ADAMTS2: variants seen among roughly 807,000 people sequenced by gnomAD.
ADAMTS2 encodes A disintegrin and metalloproteinase with thrombospondin motifs 2.
In ADAMTS2, 50 loss-of-function variants were observed where a neutral mutation model predicts 123.0. The ratio of observed to expected loss-of-function variants is 0.41; its 90% CI spans 0.32 to 0.51. The LOEUF (loss-of-function observed/expected upper bound fraction) is 0.51, where lower values mean the gene tolerates loss of function less well. ADAMTS2 is among the 20% of genes least tolerant of loss of function. ADAMTS2 has a pLI of 0.35. For synonymous variants in ADAMTS2, 678 were observed against 695.4 expected (o/e 0.98, Z 0.39); for missense variants, 1,494 against 1,705.2 (o/e 0.88, Z 2.18).
Position 179,132,748 on chromosome 5 carries a change from T to C in ADAMTS2, c.2209+29A>G, listed in dbSNP as rs1347929015. 4 of 1,613,744 alleles carry C rather than the reference T, an allele frequency of 2.5e-6. No homozygotes were observed. Among genetic ancestry groups the C allele is most frequent in the Non-Finnish European group, 3.4e-6 (4 of 1,179,934 alleles). On this transcript the variant is annotated intron_variant, in intron 14 of 21. Transcript: ENST00000251582. This position sits in a 1 kb window ranked among gnomAD's most constrained non-coding sequence, Gnocchi z 6.1. ...ATGAGCCTGCTGCAGGCATCCAGGC[T>C]CCAGGGTGGAGAGCAGGGACCCACT...
In ADAMTS2 at chr5:179,114,269, G is replaced by C. The variant is rs1581132640; in HGVS notation, c.3234C>G (p.Arg1078=). The C allele has an allele frequency of 6.2e-7, 1 of 1,614,198 alleles. No homozygotes were observed. The highest frequency in any genetic ancestry group is 8.5e-7 in the Non-Finnish European group (1 of 1,180,038). Residue 1078 remains arginine (R), a synonymous_variant, in exon 22 of 22, where the codon CGC becomes CGG. Coordinates refer to ENST00000251582, the MANE Select transcript of ADAMTS2 (RefSeq NM_014244.5). Reference sequence around the variant, plus strand: ...TGTTGTAGCCTGGGATGGAGCAATAGCGGGACAAGACTTCCATCCTACAGA... The same window carrying C: ...TGTTGTAGCCTGGGATGGAGCAATACCGGGACAAGACTTCCATCCTACAGA... ...SIFCRMEVLS[R]YCSIPGYNKL...
intron 10 of ADAMTS2, chr5:179,150,794 A>G (rs1763341318): frequency 6.5e-6 from 1 of 153,096 alleles, no homozygotes; most frequent in Non-Finnish European, 1.5e-5. Context: ...TGACTGATAA[A>G]TGGCGCTTCC....
rs1219589472 is a variant in ADAMTS2 at position 179,185,170 on chromosome 5, A to G, written c.892-4015T>C. Among the ~76,000 whole-genome samples, 1 of 152,162 alleles carries G rather than the reference A, an allele frequency of 6.6e-6. No individual in the cohort carries two copies. The highest frequency in any genetic ancestry group is 1.5e-5 in the Non-Finnish European group (1 of 68,030). ...CACGAAGTCAGGAGAAGGATTCCAAATCCTCTCTAAGAGCAGTGGGAGGAC... is the reference window on the plus strand; with the variant it reads ...CACGAAGTCAGGAGAAGGATTCCAAGTCCTCTCTAAGAGCAGTGGGAGGAC... On this transcript the variant is annotated intron_variant, in intron 4 of 21. Transcript: ENST00000251582. This position sits in a 1 kb window ranked among gnomAD's most constrained non-coding sequence, Gnocchi z 5.9.
rs545833157 is a variant in ADAMTS2 at position 179,111,523 on chromosome 5, G to T, written c.*2344C>A. 2 of 152,392 alleles carry T rather than the reference G, an allele frequency of 1.3e-5. No homozygotes were observed. Among genetic ancestry groups the T allele is most frequent in the South Asian group, 4.1e-4 (2 of 4,834 alleles). 9.4% of individuals were successfully genotyped at this position (152,392 alleles called of 1,614,324 possible). A position where few individuals can be genotyped will look rare whatever the true frequency, so the allele number is the denominator to read the frequency against. On this transcript the variant is annotated 3_prime_UTR_variant, in exon 22 of 22. Transcript: ENST00000251582. ...TCAAGGATTGAGGATGGCACAGAGG[G>T]TCATGGCTGTCAGTCCCAGAGGGCA... is the stretch of plus-strand genomic sequence containing the variant.
At chr5:179,152,112 G>T in intron 10 of ADAMTS2, 30 bp downstream of exon 10, 1 of 1,590,842 alleles carries the variant, frequency 6.3e-7, no homozygotes, top group Non-Finnish European at 8.6e-7. Flanking sequence ...CTGCCCTGCT[G>T]CCCTCCAAGA....
chr5:179,290,468 C>G (rs1756152366), intron 2 of ADAMTS2, among the ~76,000 whole-genome samples: 1 of 152,244 alleles, frequency 6.6e-6, no homozygotes, highest in Admixed American at 6.5e-5. Flanking sequence ...TATAGCAACA[C>G]AAAATAGACT....
At chr5:179,164,809 CA>C (rs958792683) in intron 5 of ADAMTS2, among the ~76,000 whole-genome samples, 31 of 152,178 alleles carry the variant, frequency 2.0e-4, no homozygotes, top group Non-Finnish European at 4.1e-4. Flanking sequence ...TGGCAGCACC[CA>C]AAACAACCAT....
chr5:179,275,134 G>A (rs1216856604), intron 2 of ADAMTS2, among the ~76,000 whole-genome samples: 1 of 152,120 alleles, frequency 6.6e-6, no homozygotes, highest in Non-Finnish European at 1.5e-5. Flanking sequence ...CAGGGCTTCT[G>A]GGGGGAGCCT....
At chr5:179,176,650 T>C (rs1184660901) in intron 5 of ADAMTS2, among the ~76,000 whole-genome samples, 1 of 152,184 alleles carries the variant, frequency 6.6e-6, no homozygotes, top group African/African-American at 2.4e-5. Flanking sequence ...TTGATGGCAG[T>C]GACTGTCTCC....
chr5:179,173,960 C>A (rs367827683), intron 5 of ADAMTS2, among the ~76,000 whole-genome samples: 2 of 148,844 alleles, frequency 1.3e-5, no homozygotes, highest in Admixed American at 6.8e-5. Context: ...TTGCAGTGAG[C>A]TGAGGTCGCG....
chr5:179,119,563 T>C (rs1471998297), intron 21 of ADAMTS2, among the ~76,000 whole-genome samples: 1 of 152,200 alleles, frequency 6.6e-6, no homozygotes, highest in African/African-American at 2.4e-5. Context: ...TGTGGCTGCC[T>C]GGGAAGACCT....
rs1406771396 is a variant in ADAMTS2 at position 179,173,214 on chromosome 5, A to C, written c.975+7858T>G. On this transcript the variant is annotated intron_variant, in intron 5 of 21. Coordinates refer to ENST00000251582, the MANE Select transcript of ADAMTS2 (RefSeq NM_014244.5). Reference sequence around the variant, plus strand: ...GCAACAGAGCTAGACCCCATCTCTTAATAATAATAATAATAATAATAATAA... The same window carrying C: ...GCAACAGAGCTAGACCCCATCTCTTCATAATAATAATAATAATAATAATAA... Among the ~76,000 whole-genome samples the C allele has an allele frequency of 2.9e-4, 7 of 23,896 alleles. No individual in the cohort carries two copies. In the Admixed American group the frequency reaches 4.4e-3, roughly 15 times the overall value. 15.7% of individuals were successfully genotyped at this position (23,896 alleles called of 152,430 possible). A position where few individuals can be genotyped will look rare whatever the true frequency, so the allele number is the denominator to read the frequency against.
rs1762700435 is a variant in ADAMTS2 at position 179,118,421 on chromosome 5, G to A, written c.3178+3240C>T. 6.6e-6 allele frequency among the ~76,000 whole-genome samples: 1 copy of A among 152,120 alleles called. No individual in the cohort carries two copies. Among genetic ancestry groups the A allele is most frequent in the Admixed American group, 6.5e-5 (1 of 15,284 alleles). On this transcript the variant is annotated intron_variant, in intron 21 of 21. Coordinates refer to ENST00000251582, the MANE Select transcript of ADAMTS2 (RefSeq NM_014244.5). The surrounding 1 kb of genome is among the most constrained non-coding windows in gnomAD (Gnocchi z 4.5). ...TTCGGCCATTTCCAGTAGCAATCAAGTAGTGAGACCTATTGTCTTCCAGTG... is the reference window on the plus strand; with the variant it reads ...TTCGGCCATTTCCAGTAGCAATCAAATAGTGAGACCTATTGTCTTCCAGTG...
At chr5:179,193,406 CAG>C (rs1479452940) in intron 4 of ADAMTS2, among the ~76,000 whole-genome samples, 1 of 152,174 alleles carries the variant, frequency 6.6e-6, no homozygotes, top group Non-Finnish European at 1.5e-5. Flanking sequence ...AGCCGAGGCA[CAG>C]AGAGATTGAG....
At chr5:179,139,074 G>A (rs557326135) in intron 11 of ADAMTS2, among the ~76,000 whole-genome samples, 1 of 152,374 alleles carries the variant, frequency 6.6e-6, no homozygotes, top group East Asian at 1.9e-4. Context: ...AGGAAAGACC[G>A]AAGCTCTGTG....
intron 2 of ADAMTS2, among the ~76,000 whole-genome samples, chr5:179,281,239 T>A (rs1316440677): frequency 1.3e-5 from 2 of 152,226 alleles, no homozygotes; most frequent in African/African-American, 4.8e-5. Flanking sequence ...AACTATATGC[T>A]GAAAGTGAAC....
chr5:179,185,222 T>C lies in ADAMTS2; in HGVS notation c.892-4067A>G, dbSNP rs1432258618. 6.6e-6 allele frequency among the ~76,000 whole-genome samples: 1 copy of C among 152,042 alleles called. No individual in the cohort carries two copies. The highest frequency in any genetic ancestry group is 2.4e-5 in the African/African-American group (1 of 41,394). On this transcript the variant is annotated intron_variant, in intron 4 of 21. Coordinates refer to ENST00000251582, the MANE Select transcript of ADAMTS2 (RefSeq NM_014244.5). The surrounding 1 kb of genome is among the most constrained non-coding windows in gnomAD (Gnocchi z 5.9). Reference sequence around the variant, plus strand: ...TGGAGGAAGGATGATGGCGGGGCATTTAAGAAGCTTACTCCAGGTGCCTTA... The same window carrying C: ...TGGAGGAAGGATGATGGCGGGGCATCTAAGAAGCTTACTCCAGGTGCCTTA...
chr5:179,140,986 T>A (rs996624261), intron 10 of ADAMTS2, among the ~76,000 whole-genome samples: 3 of 151,672 alleles, frequency 2.0e-5, no homozygotes, highest in Admixed American at 6.6e-5. Flanking sequence ...TTTTTTTTTT[T>A]TTATTTTTAG....
intron 2 of ADAMTS2, among the ~76,000 whole-genome samples, chr5:179,326,042 C>T (rs1010270094): frequency 2.0e-5 from 3 of 152,232 alleles, no homozygotes; most frequent in Non-Finnish European, 4.4e-5. Flanking sequence ...GCTGCCTCTC[C>T]GTCCTGCACA....
Sources: allele counts gnomAD v4.1 joint callset (sites outside exome capture counted in the v4.1 genomes callset), GRCh38; gene constraint gnomAD v4.1.1; non-coding constraint Gnocchi (gnomAD v3.1); transcripts MANE v1.5; gene names NCBI Gene and HGNC (gene_info 2026-07-23, HGNC 2026-07-21).